WDFY2: variants seen among roughly 807,000 people sequenced by gnomAD.
WDFY2 encodes the protein WD repeat and FYVE domain containing 2, also known as WD repeat and FYVE domain-containing protein 2.
In WDFY2, 36 loss-of-function variants were observed where a neutral mutation model predicts 56.4. The observed-to-expected ratio is 0.64, with a 90% CI of 0.49 to 0.84. WDFY2 has a LOEUF of 0.84. WDFY2 is among the 40% of genes least tolerant of loss of function. The pLI is 0.00. For missense variants in WDFY2, 444 were observed against 512.2 expected (o/e 0.87, Z 1.29); for synonymous variants, 176 against 183.7 (o/e 0.96, Z 0.34).
At chr13:51,696,576 T>G (rs948657286) in intron 3 of WDFY2, among the ~76,000 whole-genome samples, 1 of 152,150 alleles carries the variant, frequency 6.6e-6, no homozygotes, top group African/African-American at 2.4e-5. Flanking sequence ...CACAAGTCAG[T>G]GTGAATGGGA....
chr13:51,753,586 A>G (rs1366346233), intron 8 of WDFY2, among the ~76,000 whole-genome samples: 2 of 152,220 alleles, frequency 1.3e-5, no homozygotes, highest in East Asian at 3.8e-4. Flanking sequence ...TTCTCTACAC[A>G]TAACACGTGT....
chr13:51,607,610 A>G (rs1268812940), intron 1 of WDFY2, among the ~76,000 whole-genome samples: 2 of 152,170 alleles, frequency 1.3e-5, no homozygotes, highest in Admixed American at 6.6e-5. Context: ...AGAGTTGATA[A>G]AAATATAGTC....
chr13:51,665,026 A>G (rs1955675824), intron 2 of WDFY2, among the ~76,000 whole-genome samples: 1 of 152,204 alleles, frequency 6.6e-6, no homozygotes, highest in Admixed American at 6.5e-5. Context: ...GAAGGCAGAC[A>G]TTACATGAAT....
chr13:51,694,930 T>C, intron 3 of WDFY2, among the ~76,000 whole-genome samples: 1 of 152,212 alleles, frequency 6.6e-6, no homozygotes, highest in Non-Finnish European at 1.5e-5. Context: ...ATTTCATTCA[T>C]TTGATCTTCC....
intron 9 of WDFY2, among the ~76,000 whole-genome samples, chr13:51,755,807 C>G (rs1482239366): frequency 1.3e-5 from 2 of 152,100 alleles, no homozygotes; most frequent in Admixed American, 1.3e-4. Context: ...TTTACTTTCC[C>G]TCCTTCTGAT....
chr13:51,759,398 T>C (rs1593487378), intron 11 of WDFY2, among the ~76,000 whole-genome samples: 1 of 152,198 alleles, frequency 6.6e-6, no homozygotes, highest in African/African-American at 2.4e-5. Context: ...CATCGAATGC[T>C]GCCTCAGATG....
rs571044231 is a variant in WDFY2 at position 51,675,665 on chromosome 13, G to A, written c.279+422G>A. 2.0e-5 allele frequency among the ~76,000 whole-genome samples: 3 copies of A among 152,254 alleles called. No homozygotes were observed. In the East Asian group the frequency reaches 5.8e-4, roughly 29 times the overall value. On this transcript the variant is annotated intron_variant, in intron 3 of 11. Transcript: ENST00000298125. The stretch of plus-strand genomic sequence containing the variant: ...TCTGATCCTGTCTTTGATACTCTGT[G>A]TTCTTTCTTTGTTCCTTCTGCTTCT...
intron 3 of WDFY2, among the ~76,000 whole-genome samples, chr13:51,692,464 C>G (rs1003777787): frequency 4.6e-5 from 7 of 152,034 alleles, no homozygotes; most frequent in Non-Finnish European, 8.8e-5. Context: ...TGTGGTTTTT[C>G]TCTTTGGTTC....
chr13:51,669,270 A>C (rs569690461), intron 2 of WDFY2, among the ~76,000 whole-genome samples: 2 of 152,288 alleles, frequency 1.3e-5, no homozygotes, highest in African/African-American at 4.8e-5. Flanking sequence ...TGTTTGTCTT[A>C]AGTTACAAAG....
At chr13:51,614,217 CTG>C (rs1267831224) in intron 1 of WDFY2, among the ~76,000 whole-genome samples, 5 of 147,960 alleles carry the variant, frequency 3.4e-5, no homozygotes, top group African/African-American at 1.2e-4. Flanking sequence ...AAAAGTGTAT[CTG>C]TGAATAGAGA....
At chr13:51,619,954 C>T (rs1179084533) in intron 1 of WDFY2, among the ~76,000 whole-genome samples, 1 of 152,134 alleles carries the variant, frequency 6.6e-6, no homozygotes, top group Non-Finnish European at 1.5e-5. Context: ...ATGGAGAAAC[C>T]TTTAGGCCTA....
In WDFY2 at chr13:51,761,192, C is replaced by G. The variant is rs1953571634; in HGVS notation, c.*1423C>G. ...CCGAGACAGAATGGTACCTACAGTG[C>G]AGGCTATGTTTCTGTGGGAATGGAA... is the stretch of plus-strand genomic sequence containing the variant. On this transcript the variant is annotated 3_prime_UTR_variant, in exon 12 of 12. Transcript: ENST00000298125. The G allele has an allele frequency of 6.6e-6, 1 of 152,090 alleles. No individual in the cohort carries two copies. The highest frequency in any genetic ancestry group is 1.5e-5 in the Non-Finnish European group (1 of 68,028). The allele number at this position is 152,090 out of a possible 1,614,324, so 9.4% of individuals were successfully genotyped here. A position where few individuals can be genotyped will look rare whatever the true frequency, so the allele number is the denominator to read the frequency against.
At chr13:51,706,960 GA>G (rs1339112339) in intron 4 of WDFY2, among the ~76,000 whole-genome samples, 14 of 151,930 alleles carry the variant, frequency 9.2e-5, no homozygotes, top group African/African-American at 3.4e-4. Flanking sequence ...AATGATTGAA[GA>G]AAAAAGTTTC....
intron 3 of WDFY2, among the ~76,000 whole-genome samples, chr13:51,678,814 T>A (rs1955929266): frequency 6.6e-6 from 1 of 152,068 alleles, no homozygotes; most frequent in Non-Finnish European, 1.5e-5. Context: ...AAACAAATAA[T>A]AGCAGAAGTA....
chr13:51,757,916 C>T (rs1302782960), intron 10 of WDFY2, among the ~76,000 whole-genome samples: 1 of 151,622 alleles, frequency 6.6e-6, no homozygotes, highest in African/African-American at 2.4e-5. Context: ...TTTAAAAGCT[C>T]GGGTGGAGAT....
rs1308441901 is a variant in WDFY2, at chr13:51,679,808, T to C, written c.279+4565T>C. ...TTCCTCCTTGCTTTTTCCTAGCTTC[T>C]GGTGGTTGCTAGCAATCCTTGGCAT... On this transcript the variant is annotated intron_variant, in intron 3 of 11. Coordinates refer to ENST00000298125, the MANE Select transcript of WDFY2 (RefSeq NM_052950.4). Among the ~76,000 whole-genome samples, 3 of 152,142 alleles carry C rather than the reference T, an allele frequency of 2.0e-5. No homozygotes were observed. In the East Asian group the frequency reaches 5.8e-4, roughly 29 times the overall value.
intron 1 of WDFY2, among the ~76,000 whole-genome samples, chr13:51,618,812 A>G (rs917202655): frequency 7.9e-5 from 12 of 152,326 alleles, no homozygotes; most frequent in African/African-American, 2.4e-4. Context: ...AGGTCTGCCA[A>G]TGCAAAACAA....
chr13:51,669,677 A>G (rs959338755), intron 2 of WDFY2, among the ~76,000 whole-genome samples: 1 of 152,208 alleles, frequency 6.6e-6, no homozygotes, highest in African/African-American at 2.4e-5. Flanking sequence ...TGTTGGGGAA[A>G]ATATAGGAAG....
At chr13:51,586,228 A>T (rs1953933593) in intron 1 of WDFY2, 2 of 394,372 alleles carry the variant, frequency 5.1e-6, no homozygotes, top group Admixed American at 8.8e-5. Flanking sequence ...TTGGCACAGT[A>T]TTGTTTTTAT....
Sources: allele counts gnomAD v4.1 joint callset (sites outside exome capture counted in the v4.1 genomes callset), GRCh38; gene constraint gnomAD v4.1.1; transcripts MANE v1.5; gene names NCBI Gene and HGNC (gene_info 2026-07-23, HGNC 2026-07-21).